The following FARP1 variants were observed in gnomAD, a reference collection of about 807,000 sequenced individuals.
FARP1 encodes FERM, ARHGEF and pleckstrin domain-containing protein 1.
In FARP1, 52 loss-of-function variants were observed where a neutral mutation model predicts 128.8. The observed-to-expected ratio is 0.40, with a 90% confidence interval of 0.32 to 0.51. The LOEUF is 0.51. Among genes scored for constraint, FARP1 ranks in the 20% least tolerant of loss-of-function variants. FARP1 has a pLI of 0.45. For synonymous variants in FARP1, 580 were observed against 551.8 expected (o/e 1.05, Z -0.72); for missense variants, 1,333 against 1,367.9 (o/e 0.97, Z 0.40).
intron 8 of FARP1, chr13:98,386,016 G>T (rs2140041335): frequency 3.6e-6 from 2 of 563,374 alleles, no homozygotes; most frequent in Non-Finnish European, 6.2e-6. Context: ...TGCCCTGTTT[G>T]GGGAATCCAC....
At chr13:98,157,747 C>T (rs1403013953) in intron 1 of FARP1, among the ~76,000 whole-genome samples, 4 of 152,226 alleles carry the variant, frequency 2.6e-5, no homozygotes, top group African/African-American at 9.6e-5. Flanking sequence ...GAAGTTTTTC[C>T]TCACTTAGAG....
rs572507290 is a variant in FARP1 at position 98,411,751 on chromosome 13, G to A, written c.1693-150G>A. 2.8e-5 allele frequency: 21 copies of A among 763,428 alleles called. 1 individual carries two copies. The highest frequency in any genetic ancestry group is 1.2e-4 in the African/African-American group (7 of 57,178). 47.3% of individuals were successfully genotyped at this position (763,428 alleles called of 1,614,324 possible). On this transcript the variant is annotated intron_variant, in intron 15 of 26. Coordinates refer to ENST00000319562, the MANE Select transcript of FARP1 (RefSeq NM_005766.4). ...AAAGAAAGGGGAAGCAGTAAGGCCC[G>A]GGCAGCCCCGTGTTCCTGAAATGCC...
intron 2 of FARP1, among the ~76,000 whole-genome samples, chr13:98,342,355 G>A (rs57083190): frequency 6.6e-6 from 1 of 152,184 alleles, no homozygotes. Context: ...CCTTCAGTAG[G>A]TGAATAAACT....
intron 2 of FARP1, among the ~76,000 whole-genome samples, chr13:98,326,431 C>G (rs1345350984): frequency 3.9e-5 from 6 of 152,228 alleles, no homozygotes. Flanking sequence ...ATCCTGCAAT[C>G]TGAAACCCTA....
In FARP1 at chr13:98,321,533, G is replaced by T. The variant is rs1041027277; in HGVS notation, c.172-22229G>T. ...GTGACAGATAGACTGCTAGATTTAT[G>T]GCCAAAGTAGCAATACCAGAAGACA... On this transcript the variant is annotated intron_variant, in intron 2 of 26. Coordinates refer to ENST00000319562, the MANE Select transcript of FARP1 (RefSeq NM_005766.4). Among the ~76,000 whole-genome samples, 13 of 152,298 alleles carry T rather than the reference G, an allele frequency of 8.5e-5. No homozygotes were observed. In the South Asian group the frequency reaches 2.3e-3, roughly 27 times the overall value.
chr13:98,293,883 A>G (rs1399931205), intron 2 of FARP1, among the ~76,000 whole-genome samples: 1 of 152,186 alleles, frequency 6.6e-6, no homozygotes, highest in Non-Finnish European at 1.5e-5. Flanking sequence ...TCAGCTCACT[A>G]TTGAGTCAAC....
intron 13 of FARP1, chr13:98,404,317 A>G (rs564563594): frequency 6.6e-6 from 1 of 152,380 alleles, no homozygotes; most frequent in Admixed American, 6.5e-5. Flanking sequence ...GAAGAGGACC[A>G]CACTGCTAAC....
In FARP1 at chr13:98,446,198, C is replaced by T. The variant is rs751487619; in HGVS notation, c.2897C>T (p.Ser966Leu). Residue 966 changes from serine to leucine, a missense_variant, in exon 25 of 27, where the codon TCA becomes TTA. Around this residue, in one of 2 missense-constraint regions of FARP1, gnomAD observed 1,009 missense variants for 969.8 expected, o/e 1.04. Coordinates refer to ENST00000319562, the MANE Select transcript of FARP1 (RefSeq NM_005766.4). ...FTNFCLFFYKSHQDNHPLASL... is the reference protein window; with the variant it reads ...FTNFCLFFYKLHQDNHPLASL... ...AACTTCTGCCTGTTCTTCTACAAAT[C>T]ACACCAGGTAAGTGTCTCGCACAGG... 1.2e-6 allele frequency: 2 copies of T among 1,610,322 alleles called. No homozygotes were observed. Among genetic ancestry groups the T allele is most frequent in the Non-Finnish European group, 8.5e-7 (1 of 1,176,812 alleles).
intron 2 of FARP1, among the ~76,000 whole-genome samples, chr13:98,256,947 G>GA (rs1566800875): frequency 5.2e-5 from 1 of 19,086 alleles, no homozygotes; most frequent in Non-Finnish European, 8.6e-5. Context: ...GTATATATGT[G>GA]GATATATATA....
intron 1 of FARP1, among the ~76,000 whole-genome samples, chr13:98,192,657 C>A (rs931004262): frequency 1.3e-5 from 2 of 152,104 alleles, no homozygotes; most frequent in African/African-American, 2.4e-5. Context: ...TCCCAAAGTG[C>A]TGGGATTACA....
chr13:98,452,930 A>G lies in FARP1; in HGVS notation c.*4613A>G, dbSNP rs1893265140. On this transcript the variant is annotated 3_prime_UTR_variant, in exon 27 of 27. Coordinates refer to ENST00000319562, the MANE Select transcript of FARP1 (RefSeq NM_005766.4). ...CACTATGGTTAAAATTAAAAACAAA[A>G]GTAATAAAATAAAATAAAATGATCG... 2.3e-6 allele frequency: 1 copy of G among 428,628 alleles called. No individual in the cohort carries two copies. The highest frequency in any genetic ancestry group is 3.5e-5 in the East Asian group (1 of 28,360). The allele number at this position is 428,628 out of a possible 1,614,324, so 26.6% of individuals were successfully genotyped here. A position where few individuals can be genotyped will look rare whatever the true frequency, so the allele number is the denominator to read the frequency against.
At chr13:98,284,210 T>C (rs537867618) in intron 2 of FARP1, among the ~76,000 whole-genome samples, 2 of 152,224 alleles carry the variant, frequency 1.3e-5, no homozygotes, top group South Asian at 2.1e-4. Flanking sequence ...TCAGCTATTG[T>C]TAGTGTTAGT....
intron 2 of FARP1, among the ~76,000 whole-genome samples, chr13:98,324,811 G>T (rs1887162244): frequency 6.6e-6 from 1 of 152,194 alleles, no homozygotes; most frequent in Non-Finnish European, 1.5e-5. Flanking sequence ...CCCCATTCCA[G>T]GGGTCTTTGG....
chr13:98,186,955 G>A (rs1317589805), intron 1 of FARP1, among the ~76,000 whole-genome samples: 1 of 122,160 alleles, frequency 8.2e-6, no homozygotes. Context: ...TCGCGCCACT[G>A]CACTCTAGCC....
intron 1 of FARP1, among the ~76,000 whole-genome samples, chr13:98,163,747 C>T (rs1380850150): frequency 1.2e-4 from 18 of 148,854 alleles, no homozygotes; most frequent in Non-Finnish European, 5.9e-5. Flanking sequence ...TCGCTCTTGT[C>T]GCCCAGGCTG....
intron 5 of FARP1, among the ~76,000 whole-genome samples, chr13:98,375,716 C>T (rs902579156): frequency 6.6e-6 from 1 of 152,162 alleles, no homozygotes; most frequent in African/African-American, 2.4e-5. Flanking sequence ...GCAACCTCCA[C>T]CTCCCGGATT....
At chr13:98,284,396 C>T (rs1018546515) in intron 2 of FARP1, among the ~76,000 whole-genome samples, 1 of 152,118 alleles carries the variant, frequency 6.6e-6, no homozygotes, top group African/African-American at 2.4e-5. Flanking sequence ...TATGCCCTGC[C>T]CCATCCCTGC....
At chr13:98,313,558 G>A (rs1482026103) in intron 2 of FARP1, among the ~76,000 whole-genome samples, 2 of 152,298 alleles carry the variant, frequency 1.3e-5, no homozygotes, top group African/African-American at 4.8e-5. Context: ...ATAAACTTCT[G>A]TTCCTTTAAG....
intron 2 of FARP1, among the ~76,000 whole-genome samples, chr13:98,229,591 C>G (rs1302296925): frequency 6.6e-6 from 1 of 151,904 alleles, no homozygotes; most frequent in East Asian, 1.9e-4. Context: ...GCCTCAACCA[C>G]CTGGGCTCAA....
Sources: allele counts gnomAD v4.1 joint callset (sites outside exome capture counted in the v4.1 genomes callset), GRCh38; gene constraint gnomAD v4.1.1; regional missense constraint gnomAD v4.1.1; transcripts MANE v1.5; gene names NCBI Gene and HGNC (gene_info 2026-07-23, HGNC 2026-07-21).